The following INPP4A variants were observed in gnomAD, a reference collection of about 807,000 sequenced individuals.
INPP4A encodes inositol polyphosphate-4-phosphatase, type I, 107kD.
Under a neutral mutation model 119.8 loss-of-function variants are expected in INPP4A, and 33 were observed. The ratio of observed to expected loss-of-function variants is 0.28; its 90% CI spans 0.21 to 0.37. INPP4A has a LOEUF of 0.37. Among genes scored for constraint, INPP4A ranks in the 10% least tolerant of loss-of-function variants. INPP4A has a pLI of 1.00. For synonymous variants in INPP4A, 496 were observed against 500.7 expected, an observed-to-expected ratio of 0.99 and a Z score of 0.12; for missense variants, 956 against 1,289.9, an observed-to-expected ratio of 0.74 and a Z score of 3.97.
At chr2:98,549,053 C>T in intron 13 of INPP4A, 3 of 1,274,138 alleles carry the variant, frequency 2.4e-6, no homozygotes, top group Non-Finnish European at 3.4e-6. Flanking sequence ...ACACCTCCTC[C>T]TGTGGGCTTC....
chr2:98,524,414 G>A (rs1261454681), intron 4 of INPP4A, among the ~76,000 whole-genome samples: 1 of 152,194 alleles, frequency 6.6e-6, no homozygotes, highest in East Asian at 1.9e-4. Context: ...TGGAACTTGA[G>A]CCAGGAATCA....
Position 98,536,171 on chromosome 2 carries a change from C to T in INPP4A, c.430C>T (p.Leu144Phe). Residue 144 changes from leucine (L) to phenylalanine (F), a missense_variant, in exon 7 of 25, where the codon CTC (leucine) becomes TTC (phenylalanine). Coordinates refer to ENST00000409851, the MANE Select transcript of INPP4A (RefSeq NM_001134225.2). ...GSGTFIVKDL[L>F]QDRHHRLHLT... is the part of the protein sequence containing the mutation. Reference sequence around the variant, plus strand: ...TGGAACGTTCATTGTCAAAGATCTGCTCCAGGACAGGCATCATAGGTTGCA... The same window carrying T: ...TGGAACGTTCATTGTCAAAGATCTGTTCCAGGACAGGCATCATAGGTTGCA... 1.2e-6 allele frequency: 2 copies of T among 1,611,850 alleles called. No homozygotes were observed. Among genetic ancestry groups the T allele is most frequent in the African/African-American group, 1.3e-5 (1 of 75,000 alleles).
intron 1 of INPP4A, among the ~76,000 whole-genome samples, chr2:98,468,277 C>G (rs1323464517): frequency 2.6e-5 from 4 of 152,176 alleles, no homozygotes; most frequent in Non-Finnish European, 5.9e-5. Context: ...GCTCTGTTGT[C>G]TAGTCTGGAG....
rs567607614 is a variant in INPP4A at position 98,492,170 on chromosome 2, T to A, written c.-165-26794T>A. Among the ~76,000 whole-genome samples, 69 of 152,306 alleles carry A rather than the reference T, an allele frequency of 4.5e-4. 2 individuals carry two copies. The South Asian group carries it at 0.013, about 30-fold the overall frequency. ...TCCCAAACTGCTGGGATTACCGGTG[T>A]GAGCCACCGACAACTGCATTTTTTA... On this transcript the variant is annotated intron_variant, in intron 1 of 24. Transcript: ENST00000409851.
At chr2:98,487,691 G>A (rs1036547036) in intron 1 of INPP4A, among the ~76,000 whole-genome samples, 5 of 152,204 alleles carry the variant, frequency 3.3e-5, no homozygotes, top group African/African-American at 1.2e-4. Context: ...TACACAGACT[G>A]GATGGTCTTC....
At chr2:98,563,764 G>T in intron 18 of INPP4A, 127 bp downstream of exon 18, 1 of 888,932 alleles carries the variant, frequency 1.1e-6, no homozygotes, top group East Asian at 2.7e-5. Context: ...CCTCCTGGTG[G>T]TGCTTTAAAG....
Position 98,577,127 on chromosome 2 carries a change from C to A in INPP4A, c.2770C>A (p.Leu924Met). ...GMAPQVFTQA[L>M]ECMRSEGCRR... ...GGCCCCGCAGGTCTTCACCCAGGCC[C>A]TGGAGTGCATGCGCAGGTGAGTGCC... The change falls in exon 24 of 25, where the codon CTG becomes ATG. Residue 924 changes from leucine (L) to methionine (M), a missense_variant. Transcript: ENST00000409851. 1 of 1,611,644 alleles carries A rather than the reference C, an allele frequency of 6.2e-7. No homozygotes were observed. The highest frequency in any genetic ancestry group is 8.5e-7 in the Non-Finnish European group (1 of 1,178,728).
rs562425932 is a variant in INPP4A, at chr2:98,462,789, G to T, written c.-166+17704G>T. Among the ~76,000 whole-genome samples the T allele has an allele frequency of 3.3e-5, 5 of 152,146 alleles. No homozygotes were observed. The South Asian group carries it at 1.0e-3, about 32-fold the overall frequency. On this transcript the variant is annotated intron_variant, in intron 1 of 24. Transcript: ENST00000409851. The stretch of plus-strand genomic sequence containing the variant: ...ACCTGCCTCAGCTTTTCAAAGTGCT[G>T]GGATTACTGGTGTGATCCACCATGT...
At chr2:98,501,146 G>A (rs2105376548) in intron 1 of INPP4A, among the ~76,000 whole-genome samples, 1 of 152,200 alleles carries the variant, frequency 6.6e-6, no homozygotes, top group South Asian at 2.1e-4. Context: ...GTGAAACCTT[G>A]TCTCTACTAA....
intron 24 of INPP4A, among the ~76,000 whole-genome samples, chr2:98,581,341 C>CT (rs1306073072): frequency 1.3e-5 from 2 of 152,064 alleles, no homozygotes; most frequent in East Asian, 1.9e-4. Flanking sequence ...TCTTTCTCTC[C>CT]TTTTTTCCTG....
chr2:98,578,832 C>G (rs1698844208), intron 24 of INPP4A, among the ~76,000 whole-genome samples: 1 of 152,258 alleles, frequency 6.6e-6, no homozygotes, highest in Non-Finnish European at 1.5e-5. Context: ...CCCCCAGTTT[C>G]CTAATGTGAA....
intron 1 of INPP4A, among the ~76,000 whole-genome samples, chr2:98,487,566 A>G (rs1679817074): frequency 1.3e-5 from 2 of 151,900 alleles, no homozygotes; most frequent in Non-Finnish European, 2.9e-5. Flanking sequence ...ATCAATATGG[A>G]CTCAATGGTT....
chr2:98,520,028 C>T lies in INPP4A; in HGVS notation c.-21C>T, dbSNP rs184565612. 648 of 1,555,636 alleles carry T rather than the reference C, an allele frequency of 4.2e-4. 7 individuals carry two copies. In the East Asian group the frequency reaches 0.014, roughly 34 times the overall value. On this transcript the variant is annotated 5_prime_UTR_variant, in exon 3 of 25. Coordinates refer to ENST00000409851, the MANE Select transcript of INPP4A (RefSeq NM_001134225.2). Reference sequence around the variant, plus strand: ...CGTGGTCTGACCGAGGATCAAGAAGCACATCATCACCAATGACATCATGAC... The same window carrying T: ...CGTGGTCTGACCGAGGATCAAGAAGTACATCATCACCAATGACATCATGAC...
chr2:98,586,054 G>C (rs1423897929), intron 24 of INPP4A, among the ~76,000 whole-genome samples: 5 of 152,188 alleles, frequency 3.3e-5, no homozygotes, highest in African/African-American at 1.2e-4. Context: ...TTTGATTACT[G>C]AATGAATGTT....
intron 3 of INPP4A, 62 bp downstream of exon 3, chr2:98,520,216 C>G (rs1686921050): frequency 8.0e-7 from 1 of 1,243,154 alleles, no homozygotes; most frequent in Non-Finnish European, 1.2e-6. Context: ...GGGCTCCACA[C>G]TGCAGCAGTG....
chr2:98,564,884 T>G, intron 19 of INPP4A, 121 bp downstream of exon 19: 1 of 1,235,274 alleles, frequency 8.1e-7, no homozygotes, highest in Non-Finnish European at 1.1e-6. Context: ...CCAAAATATA[T>G]AACAGCAGAC....
chr2:98,481,093 A>C (rs975242045), intron 1 of INPP4A, among the ~76,000 whole-genome samples: 1 of 152,190 alleles, frequency 6.6e-6, no homozygotes, highest in South Asian at 2.1e-4. Context: ...TCTGCTAGTT[A>C]CCTTTCAATG....
chr2:98,516,760 C>T (rs972335081), intron 1 of INPP4A, among the ~76,000 whole-genome samples: 1 of 152,152 alleles, frequency 6.6e-6, no homozygotes, highest in African/African-American at 2.4e-5. Context: ...TCTTCAGTGA[C>T]ACAAGAGTAT....
At chr2:98,519,717 G>T (rs1686819705) in intron 2 of INPP4A, 2 of 299,958 alleles carry the variant, frequency 6.7e-6, no homozygotes, top group Non-Finnish European at 6.3e-6. Context: ...CTCTGCTGAA[G>T]AGGACAGGAC....
Sources: gnomAD v4.1 joint callset for allele counts (sites outside exome capture counted in the v4.1 genomes callset) on GRCh38, gnomAD v4.1.1 for gene constraint, MANE v1.5 for transcripts, NCBI Gene and HGNC (gene_info 2026-07-23, HGNC 2026-07-21) for gene names.